COL4A5: variants seen among roughly 807,000 people sequenced by gnomAD.
The protein encoded by COL4A5 is collagen type IV alpha 5 chain.
In COL4A5, 26 loss-of-function variants were observed where a neutral mutation model predicts 130.2. That is an observed-to-expected ratio of 0.20 (90% CI 0.15 to 0.28). The LOEUF is 0.28. Among genes scored for constraint, COL4A5 ranks in the 10% least tolerant of loss-of-function variants. The pLI is 1.00. For synonymous variants in COL4A5, 496 were observed against 439.6 expected (o/e 1.13, Z -1.60); for missense variants, 1,131 against 1,344.3 (o/e 0.84, Z 2.48).
At chrX:108,493,908 C>T (rs151174634) in intron 1 of COL4A5, among the ~76,000 whole-genome samples, 1 of 109,857 alleles carries the variant, frequency 9.1e-6, no homozygotes, top group African/African-American at 3.3e-5. Context: ...TTATTTTGCT[C>T]GGAAAGGGTC....
intron 33 of COL4A5, among the ~76,000 whole-genome samples, chrX:108,623,895 C>T (rs1214964503): frequency 8.9e-6 from 1 of 111,899 alleles, no homozygotes; most frequent in Non-Finnish European, 1.9e-5. Context: ...GTAAACTATA[C>T]TTGACCTCTA....
chrX:108,473,527 T>C (rs904440686), intron 1 of COL4A5, among the ~76,000 whole-genome samples: 1 of 102,111 alleles, frequency 9.8e-6, no homozygotes, highest in Non-Finnish European at 2.0e-5. Flanking sequence ...CAAAAAGTTT[T>C]AAAAGTTAAA....
intron 1 of COL4A5, among the ~76,000 whole-genome samples, chrX:108,523,468 G>C (rs2065285652): frequency 8.9e-6 from 1 of 112,162 alleles, no homozygotes; most frequent in African/African-American, 3.2e-5. Context: ...CCTTTTGCCA[G>C]TACCACACTG....
At chrX:108,473,714 C>T (rs2064805556) in intron 1 of COL4A5, among the ~76,000 whole-genome samples, 1 of 97,913 alleles carries the variant, frequency 1.0e-5, no homozygotes, top group Admixed American at 1.1e-4. Context: ...TCACTGCAAC[C>T]TCTGCCTCCC....
chrX:108,682,379 G>A (rs190524809), intron 47 of COL4A5, among the ~76,000 whole-genome samples: 97 of 111,861 alleles, frequency 8.7e-4, no homozygotes, highest in African/African-American at 3.0e-3. Context: ...CTTTATAGTA[G>A]AATAATTTAT....
intron 36 of COL4A5, among the ~76,000 whole-genome samples, chrX:108,631,214 G>A (rs1298798820): frequency 9.0e-6 from 1 of 111,497 alleles, no homozygotes; most frequent in Non-Finnish European, 1.9e-5. Context: ...AGCTTGATGG[G>A]GATGGCATTG....
chrX:108,608,940 A>T (rs1425823811), intron 29 of COL4A5, among the ~76,000 whole-genome samples: 2 of 111,207 alleles, frequency 1.8e-5, no homozygotes, highest in Admixed American at 9.5e-5. Context: ...GGCTTCTTTC[A>T]CTCAACATAA....
intron 35 of COL4A5, 124 bp downstream of exon 35, chrX:108,625,918 AGTGGGTAGT>A (rs769338413): frequency 1.8e-6 from 1 of 547,758 alleles, no homozygotes; most frequent in Non-Finnish European, 3.1e-6. Context: ...TGAGGTAATC[AGTGGGTAGT>A]GTTCTCTTGT....
intron 3 of COL4A5, among the ~76,000 whole-genome samples, chrX:108,559,985 A>G (rs2065878507): frequency 9.0e-6 from 1 of 111,681 alleles, no homozygotes; most frequent in Non-Finnish European, 1.9e-5. Flanking sequence ...TGTTTAGACA[A>G]GAGCCATATT....
At position 108,580,549 on chromosome X, in the gene COL4A5, G is replaced by A. The variant is rs756730813; in HGVS notation, c.797G>A (p.Arg266Gln). Residue 266 changes from arginine (R) to glutamine (Q), a missense_variant, in exon 14 of 53, where the codon CGA becomes CAA. Arg to Gln is a conservative substitution (Grantham distance 43). Coordinates refer to ENST00000328300, the MANE Select transcript of COL4A5 (RefSeq NM_033380.3). ...QKGDQGLPGDRGPPGPPGIRG... is the reference protein window; with the variant it reads ...QKGDQGLPGDQGPPGPPGIRG... ...ACTGCATAGGGACTTCCTGGTGACC[G>A]AGGGCCTCCTGGACCTCCAGGGATA... The A allele has an allele frequency of 4.1e-6, 5 of 1,209,129 alleles. No homozygotes were observed. Among genetic ancestry groups the A allele is most frequent in the Non-Finnish European group, 5.6e-6 (5 of 893,620 alleles).
intron 1 of COL4A5, among the ~76,000 whole-genome samples, chrX:108,457,619 T>C (rs1603246809): frequency 1.8e-5 from 2 of 111,716 alleles, no homozygotes; most frequent in African/African-American, 6.5e-5. Flanking sequence ...CTATCTTTGG[T>C]GTACTGCTCT....
At chrX:108,668,619 T>A in intron 41 of COL4A5, 115 bp downstream of exon 41, 1 of 538,138 alleles carries the variant, frequency 1.9e-6, no homozygotes, top group Non-Finnish European at 2.8e-6. Context: ...TGGAGGATGT[T>A]AAAAAAAAGA....
At position 108,648,473 on chromosome X, in the gene COL4A5, G is replaced by A. The variant is rs1010558884; in HGVS notation, c.3247-6858G>A. Among the ~76,000 whole-genome samples, 4 of 110,279 alleles carry A rather than the reference G, an allele frequency of 3.6e-5. No individual in the cohort carries two copies. In the East Asian group the frequency reaches 8.5e-4, roughly 23 times the overall value. ...CAGACTGATATCCTTGATTAACATC[G>A]ATGCTAAGATCCTTGACAAAATACC... is the stretch of plus-strand genomic sequence containing the variant. On this transcript the variant is annotated intron_variant, in intron 36 of 52. Transcript: ENST00000328300.
Position 108,667,171 on chromosome X carries a change from C to T in COL4A5, c.3592C>T (p.Pro1198Ser), listed in dbSNP as rs1389441351. 8.3e-7 allele frequency: 1 copy of T among 1,207,000 alleles called. No individual in the cohort carries two copies. Among genetic ancestry groups the T allele is most frequent in the East Asian group, 3.0e-5 (1 of 33,793 alleles). ...TGGAAACCCAGGACCCCCTGGACTT[C>T]CAGGACTTTCTGGTAAACCTTAATA... Reference protein sequence around the residue: ...GFGNPGPPGLPGLSGQKGDGG... With the variant: ...GFGNPGPPGLSGLSGQKGDGG... The change falls in exon 40 of 53, where the codon CCA (proline) becomes TCA (serine). Residue 1198 changes from proline (P) to serine (S), a missense_variant. Pro to Ser is a moderately conservative substitution (Grantham distance 74, BLOSUM62 -1). Transcript: ENST00000328300.
chrX:108,442,067 C>A (rs189777187), intron 1 of COL4A5, among the ~76,000 whole-genome samples: 3 of 111,370 alleles, frequency 2.7e-5, no homozygotes, highest in Non-Finnish European at 5.7e-5. Context: ...TATTGTGCCT[C>A]TATTAAAACC....
chrX:108,494,543 A>C (rs891286758), intron 1 of COL4A5, among the ~76,000 whole-genome samples: 1 of 111,054 alleles, frequency 9.0e-6, no homozygotes, highest in Admixed American at 9.6e-5. Context: ...ATCATGCCAT[A>C]AGCATTTACT....
intron 17 of COL4A5, 136 bp downstream of exon 17, chrX:108,583,073 C>T: frequency 1.9e-6 from 1 of 523,212 alleles, no homozygotes. Flanking sequence ...CTTTATTCAT[C>T]TTTTGCTCAT....
intron 41 of COL4A5, 63 bp downstream of exon 41, chrX:108,668,567 A>G: frequency 7.5e-6 from 7 of 929,322 alleles, no homozygotes; most frequent in Non-Finnish European, 1.0e-5. Flanking sequence ...TTTTGCTGGC[A>G]GGTTATTCAG....
At chrX:108,535,849 A>G (rs769630572) in intron 1 of COL4A5, among the ~76,000 whole-genome samples, 17 of 110,850 alleles carry the variant, frequency 1.5e-4, no homozygotes, top group Non-Finnish European at 3.0e-4. Context: ...CTTTTTTCCA[A>G]GCATTTTTTT....
Sources: allele counts gnomAD v4.1 joint callset (sites outside exome capture counted in the v4.1 genomes callset), GRCh38; gene constraint gnomAD v4.1.1; transcripts MANE v1.5; gene names NCBI Gene and HGNC (gene_info 2026-07-23, HGNC 2026-07-21).